The following CA10 variants were observed in gnomAD, a reference collection of about 807,000 sequenced individuals.
The protein encoded by CA10 is carbonic anhydrase 10 (inactive).
Under a neutral mutation model 44.2 loss-of-function variants are expected in CA10, and 14 were observed. The observed-to-expected ratio is 0.32, with a 90% CI of 0.21 to 0.50. The LOEUF is 0.50. Among genes scored for constraint, CA10 ranks in the 20% least tolerant of loss-of-function variants. CA10 has a pLI of 0.99. For missense variants in CA10, 350 were observed against 409.7 expected (o/e 0.85, Z 1.26); for synonymous variants, 159 against 141.6 (o/e 1.12, Z -0.87).
intron 3 of CA10, among the ~76,000 whole-genome samples, chr17:51,843,841 T>C (rs193224213): frequency 5.9e-5 from 9 of 152,258 alleles, no homozygotes; most frequent in African/African-American, 2.2e-4. Context: ...TCTCCACAGT[T>C]GCAAAGTTTT....
chr17:51,965,868 C>A (rs1984060620), intron 2 of CA10, among the ~76,000 whole-genome samples: 1 of 151,800 alleles, frequency 6.6e-6, no homozygotes, highest in Admixed American at 6.6e-5. Flanking sequence ...CTAGCCAGAA[C>A]AATCAGGCAA....
intron 3 of CA10, among the ~76,000 whole-genome samples, chr17:51,870,195 G>C (rs1445059991): frequency 2.6e-5 from 4 of 152,214 alleles, no homozygotes; most frequent in African/African-American, 7.2e-5. Flanking sequence ...TTCTGTCAAT[G>C]ACTGATTATA....
At chr17:51,963,109 T>C (rs1983951725) in intron 2 of CA10, among the ~76,000 whole-genome samples, 1 of 152,042 alleles carries the variant, frequency 6.6e-6, no homozygotes, top group African/African-American at 2.4e-5. Flanking sequence ...ACTCAAGGAA[T>C]TGCAAAATAT....
chr17:51,837,407 GGATT>G (rs1315772012), intron 3 of CA10, among the ~76,000 whole-genome samples: 1 of 152,162 alleles, frequency 6.6e-6, no homozygotes, highest in African/African-American at 2.4e-5. Context: ...TTAGATGGAT[GGATT>G]AAGTACATAA....
intron 2 of CA10, among the ~76,000 whole-genome samples, chr17:52,019,282 C>T (rs1432056270): frequency 6.6e-6 from 1 of 152,046 alleles, no homozygotes; most frequent in African/African-American, 2.4e-5. Flanking sequence ...CCATTATTCT[C>T]TTTAATGAAC....
chr17:51,647,807 A>G (rs1459165035), intron 6 of CA10, among the ~76,000 whole-genome samples: 1 of 152,226 alleles, frequency 6.6e-6, no homozygotes, highest in African/African-American at 2.4e-5. Context: ...TATCTCCCTT[A>G]GCTGAGCAAT....
At chr17:51,770,077 TCTTTTATAGGA>T (rs1225376426) in intron 3 of CA10, among the ~76,000 whole-genome samples, 1 of 151,812 alleles carries the variant, frequency 6.6e-6, no homozygotes, top group African/African-American at 2.4e-5. Flanking sequence ...TCTCTGTTGC[TCTTTTATAGGA>T]CTGAGGTTAA....
intron 3 of CA10, among the ~76,000 whole-genome samples, chr17:51,911,005 G>A (rs960419115): frequency 3.9e-5 from 6 of 152,158 alleles, no homozygotes; most frequent in African/African-American, 9.7e-5. Flanking sequence ...AAGAATGTGG[G>A]TGGAAGACAT....
intron 3 of CA10, among the ~76,000 whole-genome samples, chr17:51,798,780 A>G (rs1475334874): frequency 6.6e-6 from 1 of 152,264 alleles, no homozygotes; most frequent in Non-Finnish European, 1.5e-5. Flanking sequence ...AAAACATTTT[A>G]TCAGGGCAGG....
intron 3 of CA10, among the ~76,000 whole-genome samples, chr17:51,802,358 G>A (rs1387728483): frequency 6.6e-6 from 1 of 152,006 alleles, no homozygotes; most frequent in Non-Finnish European, 1.5e-5. Flanking sequence ...TTGCCAAGTG[G>A]GAAAGAGCTC....
At chr17:52,079,248 T>G (rs921623023) in intron 1 of CA10, among the ~76,000 whole-genome samples, 5 of 152,032 alleles carry the variant, frequency 3.3e-5, no homozygotes, top group African/African-American at 1.2e-4. Context: ...ATTGCACCAC[T>G]GCACTCCAGC....
intron 3 of CA10, among the ~76,000 whole-genome samples, chr17:51,849,046 T>G (rs902439177): frequency 6.6e-6 from 1 of 151,082 alleles, no homozygotes; most frequent in Admixed American, 6.6e-5. Context: ...ACTGACTGAC[T>G]GTCTATCTCT....
At chr17:52,078,902 T>G (rs1987888785) in intron 1 of CA10, among the ~76,000 whole-genome samples, 1 of 152,208 alleles carries the variant, frequency 6.6e-6, no homozygotes, top group East Asian at 1.9e-4. Context: ...ATTCTAACAT[T>G]TAGATAGTGC....
At chr17:52,012,618 T>A (rs1183403506) in intron 2 of CA10, among the ~76,000 whole-genome samples, 1 of 152,042 alleles carries the variant, frequency 6.6e-6, no homozygotes, top group Non-Finnish European at 1.5e-5. Context: ...CTATGTTCAG[T>A]ACGTTCAGTG....
intron 3 of CA10, among the ~76,000 whole-genome samples, chr17:51,834,527 C>T (rs1464077296): frequency 6.6e-6 from 1 of 152,220 alleles, no homozygotes; most frequent in Admixed American, 6.5e-5. Context: ...TCCACTTTCT[C>T]TTTAACTGCA....
chr17:52,105,100 G>C (rs1377146207), intron 1 of CA10, among the ~76,000 whole-genome samples: 1 of 150,288 alleles, frequency 6.7e-6, no homozygotes, highest in South Asian at 2.1e-4. Context: ...CAGGTGATTT[G>C]TAAGATGATT....
chr17:52,069,758 A>G (rs908710522), intron 2 of CA10, among the ~76,000 whole-genome samples: 1 of 152,198 alleles, frequency 6.6e-6, no homozygotes, highest in Admixed American at 6.5e-5. Flanking sequence ...CACCATTGTT[A>G]TAGAGCTCAT....
In CA10 at chr17:51,632,122, G is replaced by T. The variant is rs144994008; in HGVS notation, c.965-516C>A. Among the ~76,000 whole-genome samples the T allele has an allele frequency of 2.6e-4, 39 of 152,274 alleles. No individual in the cohort carries two copies. The East Asian group carries it at 7.3e-3, about 29-fold the overall frequency. ...CCCATTCATTTAGATATTATCAATGGCTGATTTCATACTACAATGTCAGAG... is the reference window on the plus strand; with the variant it reads ...CCCATTCATTTAGATATTATCAATGTCTGATTTCATACTACAATGTCAGAG... On this transcript the variant is annotated intron_variant, in intron 8 of 8. Coordinates refer to ENST00000451037, the MANE Select transcript of CA10 (RefSeq NM_020178.5).
intron 2 of CA10, among the ~76,000 whole-genome samples, chr17:52,002,126 TTTAA>T (rs1324550231): frequency 6.6e-6 from 1 of 151,872 alleles, no homozygotes; most frequent in Non-Finnish European, 1.5e-5. Context: ...CCCATGAAAC[TTTAA>T]TTAATGGCAC....
Sources: allele counts gnomAD v4.1 joint callset (sites outside exome capture counted in the v4.1 genomes callset), GRCh38; gene constraint gnomAD v4.1.1; transcripts MANE v1.5; gene names NCBI Gene and HGNC (gene_info 2026-07-23, HGNC 2026-07-21).